STK32B: variants seen among roughly 807,000 people sequenced by gnomAD.
STK32B encodes the protein serine/threonine-protein kinase 32B.
In STK32B, 43 loss-of-function variants were observed where a neutral mutation model predicts 52.6. That is an observed-to-expected ratio of 0.82 (90% CI 0.64 to 1.05). The LOEUF (loss-of-function observed/expected upper bound fraction) is 1.05. Ranked by LOEUF, STK32B falls within the 50% of genes least tolerant of loss-of-function variation. STK32B has a pLI of 0.00. For synonymous variants in STK32B, 238 were observed against 204.3 expected (o/e 1.17, Z -1.41); for missense variants, 621 against 534.6 (o/e 1.16, Z -1.59).
chr4:5,124,557 C>CA (rs892264630), intron 1 of STK32B, among the ~76,000 whole-genome samples: 1 of 151,976 alleles, frequency 6.6e-6, no homozygotes, highest in Non-Finnish European at 1.5e-5. Context: ...AAAGGAAATA[C>CA]AAAAAAACAG....
At chr4:5,177,967 C>T (rs73212005) in intron 3 of STK32B, among the ~76,000 whole-genome samples, 1 of 152,178 alleles carries the variant, frequency 6.6e-6, no homozygotes, top group South Asian at 2.1e-4. Context: ...GGTGCATGGT[C>T]CAATTTGTCA....
chr4:5,310,990 T>A (rs1730256356), intron 3 of STK32B, among the ~76,000 whole-genome samples: 1 of 152,096 alleles, frequency 6.6e-6, no homozygotes. Context: ...AGCTAAAAAT[T>A]TGATCTCATA....
intron 11 of STK32B, among the ~76,000 whole-genome samples, chr4:5,486,229 C>T (rs188109121): frequency 3.3e-5 from 5 of 152,296 alleles, no homozygotes; most frequent in Admixed American, 6.5e-5. Context: ...CCGTAGTGGG[C>T]TCCACCCAGT....
chr4:5,496,592 A>C (rs1424095949), intron 11 of STK32B, among the ~76,000 whole-genome samples: 1 of 150,498 alleles, frequency 6.6e-6, no homozygotes, highest in African/African-American at 2.5e-5. Flanking sequence ...CTCCCTAGTG[A>C]GATGAACCCG....
At chr4:5,059,448 TC>T (rs1742135595) in intron 1 of STK32B, among the ~76,000 whole-genome samples, 1 of 152,224 alleles carries the variant, frequency 6.6e-6, no homozygotes, top group Non-Finnish European at 1.5e-5. Flanking sequence ...AATACCTTTT[TC>T]TGCATCTATT....
the STK32B span, among the ~76,000 whole-genome samples, chr4:5,020,140 C>T: frequency 2.0e-5 from 3 of 152,132 alleles, no homozygotes; most frequent in East Asian, 1.9e-4. Context: ...CAGCACAGGC[C>T]CCGAGGGAGA....
At chr4:5,263,876 A>G (rs1577263470) in intron 3 of STK32B, among the ~76,000 whole-genome samples, 1 of 152,204 alleles carries the variant, frequency 6.6e-6, no homozygotes, top group South Asian at 2.1e-4. Context: ...GCTTATTTCT[A>G]TCACCATACA....
chr4:5,188,937 A>C (rs1007475302), intron 3 of STK32B, among the ~76,000 whole-genome samples: 1 of 152,108 alleles, frequency 6.6e-6, no homozygotes, highest in Admixed American at 6.6e-5. Flanking sequence ...GAGTGCAGCA[A>C]ACCAACATGG....
intron 1 of STK32B, among the ~76,000 whole-genome samples, chr4:5,137,366 G>T (rs904348505): frequency 4.6e-5 from 7 of 152,208 alleles, no homozygotes; most frequent in Admixed American, 4.6e-4. Flanking sequence ...CACAGAGAGG[G>T]CACAGTGAGC....
rs141944069 is a variant in STK32B at position 5,398,226 on chromosome 4, A to G, written c.454A>G (p.Ile152Val). 3.2e-5 allele frequency: 51 copies of G among 1,613,980 alleles called. No individual in the cohort carries two copies. Among genetic ancestry groups the G allele is most frequent in the Non-Finnish European group, 3.7e-5 (44 of 1,180,022 alleles). ...TTACAGAGACATCAAGCCAGACAAT[A>G]TCCTGCTGGATGAACACGGTAAGCC... Reference protein sequence around the residue: ...IIHRDIKPDNILLDEHGHVHI... With the variant: ...IIHRDIKPDNVLLDEHGHVHI... The change falls in exon 5 of 12, where the codon ATC (isoleucine) becomes GTC (valine). Residue 152 changes from isoleucine (I) to valine (V), a missense_variant. Transcript: ENST00000282908. The surrounding 1 kb of genome is among the most constrained non-coding windows in gnomAD (Gnocchi z 4.9).
At chr4:5,354,049 G>T (rs1342079021) in intron 4 of STK32B, among the ~76,000 whole-genome samples, 1 of 152,196 alleles carries the variant, frequency 6.6e-6, no homozygotes, top group East Asian at 1.9e-4. Context: ...ATTCTATTCA[G>T]CCGTGAAACA....
chr4:5,053,548 A>C (rs941442871), intron 1 of STK32B, among the ~76,000 whole-genome samples: 1 of 152,138 alleles, frequency 6.6e-6, no homozygotes, highest in African/African-American at 2.4e-5. Flanking sequence ...CGTCTCTGTC[A>C]TTTATCCCCA....
intron 1 of STK32B, among the ~76,000 whole-genome samples, chr4:5,056,793 G>A (rs560222718): frequency 1.3e-5 from 2 of 152,210 alleles, no homozygotes; most frequent in Admixed American, 6.5e-5. Context: ...TTGGATTCAG[G>A]GGGTAGAGTC....
At chr4:5,078,182 G>T (rs1712195422) in intron 1 of STK32B, among the ~76,000 whole-genome samples, 1 of 152,112 alleles carries the variant, frequency 6.6e-6, no homozygotes, top group South Asian at 2.1e-4. Context: ...GAAGCTATGT[G>T]CAGACTTCCC....
At chr4:5,259,332 T>G (rs185310460) in intron 3 of STK32B, among the ~76,000 whole-genome samples, 1 of 152,216 alleles carries the variant, frequency 6.6e-6, no homozygotes, top group African/African-American at 2.4e-5. Flanking sequence ...TGGCACACAT[T>G]AGGTGCTCAG....
chr4:5,153,509 GA>G (rs573243021), intron 2 of STK32B, among the ~76,000 whole-genome samples: 15 of 147,410 alleles, frequency 1.0e-4, no homozygotes, highest in Admixed American at 4.1e-4. Flanking sequence ...TTCATTGGTG[GA>G]AAAAAAAAGC....
intron 3 of STK32B, among the ~76,000 whole-genome samples, chr4:5,268,207 C>T (rs972344201): frequency 6.6e-6 from 1 of 152,164 alleles, no homozygotes; most frequent in African/African-American, 2.4e-5. Flanking sequence ...AGTTCTACCA[C>T]ACTCCGCTGC....
chr4:5,360,448 G>C (rs1027051748), intron 4 of STK32B, among the ~76,000 whole-genome samples: 3 of 152,210 alleles, frequency 2.0e-5, no homozygotes, highest in African/African-American at 7.2e-5. Context: ...GGACCAGCCA[G>C]AGGAGGGAGT....
chr4:5,113,877 A>G (rs1469307805), intron 1 of STK32B, among the ~76,000 whole-genome samples: 1 of 152,100 alleles, frequency 6.6e-6, no homozygotes, highest in African/African-American at 2.4e-5. Flanking sequence ...ATCACATCTT[A>G]CGTGGATGGT....
Sources: gnomAD v4.1 joint callset for allele counts (sites outside exome capture counted in the v4.1 genomes callset) on GRCh38, gnomAD v4.1.1 for gene constraint, Gnocchi (gnomAD v3.1) non-coding constraint, MANE v1.5 for transcripts, NCBI Gene and HGNC (gene_info 2026-07-23, HGNC 2026-07-21) for gene names.